The following AFF2 variants were observed in gnomAD, a reference collection of about 807,000 sequenced individuals.
The protein encoded by AFF2 is ALF transcription elongation factor 2, also known as AF4/FMR2 family member 2.
A neutral mutation model predicts 76.9 loss-of-function variants in AFF2; 14 were observed. The ratio of observed to expected loss-of-function variants is 0.18; its 90% CI spans 0.12 to 0.28. AFF2 has a LOEUF of 0.28. Among genes scored for constraint, AFF2 ranks in the 10% least tolerant of loss-of-function variants. The pLI is 1.00. For missense variants in AFF2, 868 were observed against 1,001.1 expected (o/e 0.87, Z 1.79); for synonymous variants, 398 against 366.7 (o/e 1.09, Z -0.98).
intron 1 of AFF2, among the ~76,000 whole-genome samples, chrX:148,564,199 CT>C (rs2053144137): frequency 9.0e-6 from 1 of 111,622 alleles, no homozygotes; most frequent in Non-Finnish European, 1.9e-5. Context: ...GTATTTAGGA[CT>C]AAATTTCAAC....
At chrX:148,501,168 C>T in intron 1 of AFF2, 24 bp downstream of exon 1, 1 of 1,209,086 alleles carries the variant, frequency 8.3e-7, no homozygotes, top group Non-Finnish European at 1.1e-6. Context: ...TTTGCCTTCT[C>T]CTTTGATGAG....
chrX:148,976,060 G>GA (rs1263085187), intron 16 of AFF2, among the ~76,000 whole-genome samples: 7 of 109,053 alleles, frequency 6.4e-5, no homozygotes, highest in Non-Finnish European at 9.6e-5. Context: ...GTTATTTAGG[G>GA]AAAAAAACAT....
At position 148,698,423 on chromosome X, in the gene AFF2, A is replaced by G. The variant is rs1423196196; in HGVS notation, c.1041+35655A>G. Among the ~76,000 whole-genome samples the G allele has an allele frequency of 2.7e-5, 3 of 112,699 alleles. No individual in the cohort carries two copies. The Admixed American group carries it at 2.8e-4, about 11-fold the overall frequency. On this transcript the variant is annotated intron_variant, in intron 3 of 20. Coordinates refer to ENST00000370460, the MANE Select transcript of AFF2 (RefSeq NM_002025.4). ...TATGTCAAGCGACGCGTGACCTGCT[A>G]TGCAAATTTAATACCAAGGTGCCAA...
rs187410405 is a variant in AFF2, at chrX:148,671,161, C to G, written c.1041+8393C>G. On this transcript the variant is annotated intron_variant, in intron 3 of 20. Coordinates refer to ENST00000370460, the MANE Select transcript of AFF2 (RefSeq NM_002025.4). ...TTCTTGGTGCACTTTGCTTTTAAAG[C>G]CTTTGTCATTGTTTAACACTTTTTT... 3.6e-5 allele frequency among the ~76,000 whole-genome samples: 4 copies of G among 111,478 alleles called. No homozygotes were observed. In the East Asian group the frequency reaches 1.1e-3, roughly 31 times the overall value.
chrX:148,698,278 A>G (rs1356349136), intron 3 of AFF2, among the ~76,000 whole-genome samples: 1 of 112,918 alleles, frequency 8.9e-6, no homozygotes, highest in African/African-American at 3.2e-5. Context: ...TCACAAAAGT[A>G]TAAAAAAAGT....
At chrX:148,599,233 G>A (rs1557247734) in intron 1 of AFF2, among the ~76,000 whole-genome samples, 1 of 112,361 alleles carries the variant, frequency 8.9e-6, no homozygotes, top group Non-Finnish European at 1.9e-5. Flanking sequence ...ATATATAAAA[G>A]CATCCTTCAA....
chrX:148,703,407 C>T (rs1410977784), intron 3 of AFF2, among the ~76,000 whole-genome samples: 3 of 112,034 alleles, frequency 2.7e-5, no homozygotes, highest in African/African-American at 9.7e-5. Context: ...CCAAATGATT[C>T]TTTTAAAAAT....
rs1204837598 is a variant in AFF2, at chrX:148,966,775, C to A, written c.2914-15C>A. On this transcript the variant is annotated splice_polypyrimidine_tract_variant and intron_variant, in intron 13 of 20. Coordinates refer to ENST00000370460, the MANE Select transcript of AFF2 (RefSeq NM_002025.4). The stretch of plus-strand genomic sequence containing the variant: ...GCTGGACCTAATGGAAACTATTTGT[C>A]CTCCTTTTTCCCAGGAGGGAGACAC... 7 of 1,203,784 alleles carry A rather than the reference C, an allele frequency of 5.8e-6. No homozygotes were observed. The highest frequency in any genetic ancestry group is 7.8e-6 in the Non-Finnish European group (7 of 892,165).
intron 9 of AFF2, among the ~76,000 whole-genome samples, chrX:148,932,170 A>T (rs1409842204): frequency 8.9e-6 from 1 of 112,092 alleles, no homozygotes. Flanking sequence ...ATAAATTTGG[A>T]TCTGCTTGTG....
chrX:148,782,838 G>A (rs1220045601), intron 3 of AFF2, among the ~76,000 whole-genome samples: 1 of 111,447 alleles, frequency 9.0e-6, no homozygotes, highest in African/African-American at 3.3e-5. Context: ...GTAAAAAACG[G>A]CATCTAGGTG....
intron 1 of AFF2, among the ~76,000 whole-genome samples, chrX:148,562,724 CCT>C (rs2053127822): frequency 9.0e-6 from 1 of 111,465 alleles, no homozygotes; most frequent in Non-Finnish European, 1.9e-5. Flanking sequence ...TGTCTCCCTT[CCT>C]CTCTCTTCCT....
Position 148,839,923 on chromosome X carries a change from GTGTGTGTGTGTGTA to G in AFF2, c.1173+2196_1173+2209del, listed in dbSNP as rs1180981318. Among the ~76,000 whole-genome samples the G allele has an allele frequency of 2.8e-5, 3 of 105,430 alleles. No individual in the cohort carries two copies. The East Asian group carries it at 9.0e-4, about 32-fold the overall frequency. 91.6% of individuals were successfully genotyped at this position (105,430 alleles called of 115,157 possible). A position where few individuals can be genotyped will look rare whatever the true frequency, so the allele number is the denominator to read the frequency against. On this transcript the variant is annotated intron_variant, in intron 5 of 20. Transcript: ENST00000370460. The stretch of plus-strand genomic sequence containing the variant: ...TGTGTGTGTGTGTGTGTGTGTGTGT[GTGTGTGTGTGTGTA>G]TGTGTATACACTATATAATCCCAAT...
intron 7 of AFF2, among the ~76,000 whole-genome samples, chrX:148,876,701 G>C (rs1223259801): frequency 9.0e-6 from 1 of 111,437 alleles, no homozygotes; most frequent in Non-Finnish European, 1.9e-5. Flanking sequence ...AACTTACAGG[G>C]ATGTCTGGTG....
intron 4 of AFF2, among the ~76,000 whole-genome samples, chrX:148,831,170 C>T (rs2072152349): frequency 1.8e-5 from 2 of 111,836 alleles, no homozygotes; most frequent in South Asian, 7.5e-4. Flanking sequence ...TTTCAAGGTG[C>T]CCAGATTTCA....
intron 1 of AFF2, among the ~76,000 whole-genome samples, chrX:148,519,640 G>A (rs1362494077): frequency 1.8e-5 from 2 of 112,155 alleles, no homozygotes; most frequent in African/African-American, 3.2e-5. Context: ...TCGGAGACCC[G>A]AGGAAATAAG....
chrX:148,738,214 C>G (rs2124560859), intron 3 of AFF2, among the ~76,000 whole-genome samples: 1 of 111,064 alleles, frequency 9.0e-6, no homozygotes, highest in South Asian at 3.8e-4. Flanking sequence ...CTTTAAATGT[C>G]TGGTAGAATT....
intron 1 of AFF2, among the ~76,000 whole-genome samples, chrX:148,536,230 C>T (rs2052784986): frequency 9.1e-6 from 1 of 109,634 alleles, no homozygotes; most frequent in Non-Finnish European, 1.9e-5. Flanking sequence ...AAAAAGAATT[C>T]GACCATCCAT....
chrX:148,509,237 G>A (rs986823993), intron 1 of AFF2, among the ~76,000 whole-genome samples: 2 of 111,880 alleles, frequency 1.8e-5, no homozygotes, highest in Non-Finnish European at 3.8e-5. Flanking sequence ...AAGCTAAGTA[G>A]GCAAAACAGT....
intron 1 of AFF2, among the ~76,000 whole-genome samples, chrX:148,571,002 A>G (rs1478326393): frequency 9.0e-6 from 1 of 111,571 alleles, no homozygotes; most frequent in African/African-American, 3.3e-5. Context: ...AAAGATCCCT[A>G]TTTCCAAATT....
Sources: allele counts gnomAD v4.1 joint callset (sites outside exome capture counted in the v4.1 genomes callset), GRCh38; gene constraint gnomAD v4.1.1; transcripts MANE v1.5; gene names NCBI Gene and HGNC (gene_info 2026-07-23, HGNC 2026-07-21).